DUSP22: variants seen among roughly 807,000 people sequenced by gnomAD.
DUSP22 encodes dual specificity protein phosphatase 22.
DUSP22 carries 24 observed loss-of-function variants against 24.5 expected under a neutral mutation model. That is an observed-to-expected ratio of 0.98 (90% confidence interval 0.71 to 1.38). DUSP22 has a LOEUF of 1.38. DUSP22 is among the 40% of genes most tolerant of loss of function. DUSP22 has a pLI of 0.00. For synonymous variants in DUSP22, 160 were observed against 106.4 expected, an observed-to-expected ratio of 1.50 and a Z score of -3.10; for missense variants, 330 against 269.2, an observed-to-expected ratio of 1.23 and a Z score of -1.58.
At chr6:292,783 C>T (rs981224590) in intron 1 of DUSP22, among the ~76,000 whole-genome samples, 1 of 152,270 alleles carries the variant, frequency 6.6e-6, no homozygotes, top group Admixed American at 6.5e-5. Flanking sequence ...CCCCAGCCGC[C>T]TGCCTTGCCA....
chr6:313,182 C>G (rs111639004), intron 3 of DUSP22, among the ~76,000 whole-genome samples: 5,124 of 150,294 alleles, frequency 0.034, no homozygotes, highest in African/African-American at 0.11. Flanking sequence ...GATTGACTTC[C>G]TCTTAAATCA....
At chr6:304,433 G>C (rs1025533206) in intron 1 of DUSP22, among the ~76,000 whole-genome samples, 195 bp from the exon 2 acceptor site, 1 of 152,308 alleles carries the variant, frequency 6.6e-6, no homozygotes, top group Non-Finnish European at 1.5e-5. Context: ...TAAACCCAGC[G>C]AGTCGATGGG....
At chr6:306,104 G>C (rs545981742) in intron 2 of DUSP22, among the ~76,000 whole-genome samples, 159 of 152,340 alleles carry the variant, frequency 1.0e-3, no homozygotes, top group Admixed American at 2.5e-3. Flanking sequence ...TTCTGAAAAA[G>C]CAGCAAACCC....
At chr6:313,525 C>A (rs6920491) in intron 3 of DUSP22, among the ~76,000 whole-genome samples, 1 of 152,276 alleles carries the variant, frequency 6.6e-6, no homozygotes, top group Non-Finnish European at 1.5e-5. Context: ...ACACACTACA[C>A]ATTCTTTTTA....
chr6:312,045 G>T (rs1243235718), intron 3 of DUSP22, 83 bp downstream of exon 3: 1 of 1,423,366 alleles, frequency 7.0e-7, no homozygotes, highest in Non-Finnish European at 9.7e-7. Flanking sequence ...AGGCAACCAG[G>T]TTCTCTCCAA....
At chr6:303,406 C>T (rs1757673191) in intron 1 of DUSP22, among the ~76,000 whole-genome samples, 1 of 152,308 alleles carries the variant, frequency 6.6e-6, no homozygotes, top group Non-Finnish European at 1.5e-5. Flanking sequence ...GCACTGCCGC[C>T]CTGACATGAG....
chr6:342,013 T>C (rs556826426), intron 4 of DUSP22, among the ~76,000 whole-genome samples: 2 of 152,422 alleles, frequency 1.3e-5, no homozygotes, highest in East Asian at 3.9e-4. Flanking sequence ...GACGTGCAGA[T>C]GTCAAAGTGA....
Position 350,810 on chromosome 6 carries a change from CT to C in DUSP22, c.*1862del, listed in dbSNP as rs763662023. On this transcript the variant is annotated 3_prime_UTR_variant, in exon 7 of 7. Coordinates refer to ENST00000419235, the MANE Select transcript of DUSP22 (RefSeq NM_001286555.3). The stretch of plus-strand genomic sequence containing the variant: ...TTTAATATTTGTTGCCAGTAATGTT[CT>C]TTCTTCACAGCCGCTCCGGGAATTC... 1.2e-5 allele frequency: 19 copies of C among 1,614,264 alleles called. No homozygotes were observed. The highest frequency in any genetic ancestry group is 1.1e-4 in the South Asian group (10 of 91,086).
At chr6:309,531 G>A (rs1757969706) in intron 2 of DUSP22, among the ~76,000 whole-genome samples, 4 of 152,284 alleles carry the variant, frequency 2.6e-5, no homozygotes, top group African/African-American at 4.8e-5. Flanking sequence ...TTTTCCTGAC[G>A]TTGCTGAATG....
chr6:345,664 G>T (rs918671053), intron 4 of DUSP22, among the ~76,000 whole-genome samples, 190 bp from the exon 5 acceptor site: 6 of 152,310 alleles, frequency 3.9e-5, no homozygotes, highest in Non-Finnish European at 5.9e-5. Flanking sequence ...TAATTATCCT[G>T]ATTTGATTAT....
chr6:303,998 G>A (rs559456232), intron 1 of DUSP22, among the ~76,000 whole-genome samples: 2 of 152,424 alleles, frequency 1.3e-5, no homozygotes, highest in South Asian at 4.1e-4. Context: ...ATATGTGGAG[G>A]TTGGATCATT....
At chr6:336,070 C>T (rs538415736) in intron 4 of DUSP22, among the ~76,000 whole-genome samples, 125 of 152,380 alleles carry the variant, frequency 8.2e-4, no homozygotes, top group Non-Finnish European at 1.6e-3. Flanking sequence ...TCCGTCTTGG[C>T]TGTATAGAAG....
intron 3 of DUSP22, among the ~76,000 whole-genome samples, chr6:331,023 C>T (rs1053891970): frequency 7.9e-5 from 12 of 152,420 alleles, no homozygotes; most frequent in African/African-American, 1.9e-4. Flanking sequence ...CGTCATGTTA[C>T]GCCACTTAAA....
intron 3 of DUSP22, among the ~76,000 whole-genome samples, chr6:316,581 A>G (rs1758347003): frequency 6.6e-6 from 1 of 152,296 alleles, no homozygotes; most frequent in Non-Finnish European, 1.5e-5. Context: ...CAGAAACCTG[A>G]TATTGTTTGT....
chr6:339,147 G>A (rs142180226), intron 4 of DUSP22, among the ~76,000 whole-genome samples: 14,533 of 147,640 alleles, frequency 0.098, no homozygotes, highest in Non-Finnish European at 0.15. Context: ...GATTAGAGGC[G>A]TCCTAGAGTT....
intron 1 of DUSP22, among the ~76,000 whole-genome samples, chr6:296,322 T>C (rs901920940): frequency 6.6e-6 from 1 of 152,296 alleles, no homozygotes; most frequent in Non-Finnish European, 1.5e-5. Context: ...CTCCATGAAG[T>C]AGATCCTGTT....
At chr6:320,188 G>A (rs530707302) in intron 3 of DUSP22, 1 of 152,744 alleles carries the variant, frequency 6.5e-6, no homozygotes, top group African/African-American at 2.4e-5. Flanking sequence ...TGGCTTCCTA[G>A]AGGTACCCTG....
chr6:312,024 G>A (rs1236974521), intron 3 of DUSP22, 62 bp downstream of exon 3: 41 of 1,544,288 alleles, frequency 2.7e-5, no homozygotes, highest in Admixed American at 2.1e-4. Flanking sequence ...GAGTACCTAC[G>A]ACGTTAATGA....
intron 2 of DUSP22, among the ~76,000 whole-genome samples, chr6:308,175 C>A (rs576988881): frequency 2.6e-5 from 4 of 151,168 alleles, no homozygotes; most frequent in Admixed American, 2.6e-4. Context: ...GCTCTGCTGC[C>A]GGTTGGAGGA....
Sources: gnomAD v4.1 joint callset for allele counts (sites outside exome capture counted in the v4.1 genomes callset) on GRCh38, gnomAD v4.1.1 for gene constraint, MANE v1.5 for transcripts, NCBI Gene and HGNC (gene_info 2026-07-23, HGNC 2026-07-21) for gene names.